Variants in PITPNM1 observed in about 807,000 individuals in gnomAD.
The protein encoded by PITPNM1 is phosphatidylinositol transfer protein membrane associated 1.
A neutral mutation model predicts 133.3 loss-of-function variants in PITPNM1; 74 were observed. That is an observed-to-expected ratio of 0.56 (90% CI 0.46 to 0.67). PITPNM1 has a LOEUF of 0.67. Ranked by LOEUF, PITPNM1 falls within the 30% of genes least tolerant of loss-of-function variation. The probability of loss-of-function intolerance (pLI) is 0.00; values close to 1 mark genes in which losing one functional copy is unlikely to be tolerated. For missense variants in PITPNM1, 1,398 were observed against 1,739.5 expected (o/e 0.80, Z 3.49); for synonymous variants, 738 against 741.4 (o/e 1.00, Z 0.08).
chr11:67,503,164 G>C (rs756084386), intron 2 of PITPNM1, among the ~76,000 whole-genome samples: 7 of 152,210 alleles, frequency 4.6e-5, no homozygotes, highest in Non-Finnish European at 1.0e-4. Flanking sequence ...GGGGGCTGCA[G>C]TTTTGATCTG....
At chr11:67,492,402 A>C in intron 23 of PITPNM1, 106 bp from the exon 24 acceptor site, 1 of 1,210,782 alleles carries the variant, frequency 8.3e-7, no homozygotes, top group Non-Finnish European at 1.1e-6. Flanking sequence ...GACTGGTGGC[A>C]GGCTTGGCAC....
In PITPNM1 at chr11:67,498,671, T is replaced by G; in HGVS notation, c.1409A>C (p.Glu470Ala). Reference protein sequence around the residue: ...FEAVTRIHFPEALGHVALRLV... With the variant: ...FEAVTRIHFPAALGHVALRLV... ...TCGCAGCGCCACGTGGCCCAAGGCC[T>G]CAGGGAAGTGGATGCGGGTGACGGC... The change falls in exon 10 of 24, where the codon GAG becomes GCG. Residue 470 changes from glutamate to alanine, a missense_variant. Around this residue, in one of 5 missense-constraint regions of PITPNM1, gnomAD observed 574 missense variants for 698.7 expected, o/e 0.82. Coordinates refer to ENST00000356404, the MANE Select transcript of PITPNM1 (RefSeq NM_004910.3). The surrounding 1 kb of genome is among the most constrained non-coding windows in gnomAD (Gnocchi z 5.7). 18 of 1,602,216 alleles carry G rather than the reference T, an allele frequency of 1.1e-5. No individual in the cohort carries two copies. Among genetic ancestry groups the G allele is most frequent in the Non-Finnish European group, 1.5e-5 (18 of 1,179,928 alleles).
chr11:67,494,050 C>A lies in PITPNM1; in HGVS notation c.2880G>T (p.Thr960=). The change falls in exon 20 of 24, where the codon ACG becomes ACT. Residue 960 remains threonine (T), a synonymous_variant. Transcript: ENST00000356404. ...TGEKVDVYIM[T]QPLSGKWIHF... is the part of the protein sequence containing the mutation. ...GGATCCACTTGCCCGACAGCGGCTG[C>A]GTCATGATGTAGACATCCACCTGGA... The A allele has an allele frequency of 6.2e-7, 1 of 1,607,092 alleles. No homozygotes were observed. The highest frequency in any genetic ancestry group is 1.1e-5 in the South Asian group (1 of 90,452).
Position 67,502,534 on chromosome 11 carries a change from G to A in PITPNM1, c.263C>T (p.Ser88Phe). The A allele has an allele frequency of 1.2e-6, 2 of 1,613,754 alleles. No homozygotes were observed. Among genetic ancestry groups the A allele is most frequent in the Admixed American group, 1.7e-5 (1 of 60,030 alleles). Reference sequence around the variant, plus strand: ...TCGGGTGTAGGGGTAGGCATTCCAGGATTCCTCTTCTACCTGCAGGGCAGC... The same window carrying A: ...TCGGGTGTAGGGGTAGGCATTCCAGAATTCCTCTTCTACCTGCAGGGCAGC... Reference protein sequence around the residue: ...PKAALQVEEESWNAYPYTRTR... With the variant: ...PKAALQVEEEFWNAYPYTRTR... Residue 88 changes from serine to phenylalanine, a missense_variant, in exon 3 of 24, where the codon TCC becomes TTC. Coordinates refer to ENST00000356404, the MANE Select transcript of PITPNM1 (RefSeq NM_004910.3). This position sits in a 1 kb window ranked among gnomAD's most constrained non-coding sequence, Gnocchi z 5.9.
Position 67,496,204 on chromosome 11 carries a change from AG to A in PITPNM1, c.2290del (p.Leu764TrpfsTer115). On this transcript the variant is annotated frameshift_variant, in exon 15 of 24. Transcript: ENST00000356404. LOFTEE classifies it high-confidence loss of function. Reference protein sequence around the residue: ...LTVPRYQKFPLGDGSSLLLAD... With the variant: ...LTVPRYQKFPXGDGSSLLLAD... ...CAGCAGCAGGGATGAGCCATCTCCC[AG>A]GGGGAACTTCTGGTAGCGGGGCACG... 2 of 1,544,262 alleles carry A rather than the reference AG, an allele frequency of 1.3e-6. No individual in the cohort carries two copies. Among genetic ancestry groups the A allele is most frequent in the South Asian group, 2.4e-5 (2 of 81,950 alleles).
intron 23 of PITPNM1, 142 bp from the exon 24 acceptor site, chr11:67,492,438 G>C: frequency 1.2e-6 from 1 of 833,698 alleles, no homozygotes; most frequent in South Asian, 2.0e-5. Flanking sequence ...CTTCTCAATA[G>C]ATAGGACCCC....
At chr11:67,500,802 A>G (rs1282522945) in intron 5 of PITPNM1, among the ~76,000 whole-genome samples, 2 of 152,254 alleles carry the variant, frequency 1.3e-5, no homozygotes, top group African/African-American at 4.8e-5. Flanking sequence ...TGAAGGTGTT[A>G]ACAGTTAATG....
At position 67,494,046 on chromosome 11, in the gene PITPNM1, G is replaced by C. The variant is rs1339776801; in HGVS notation, c.2884C>G (p.Pro962Ala). 6.2e-7 allele frequency: 1 copy of C among 1,608,842 alleles called. No individual in the cohort carries two copies. The highest frequency in any genetic ancestry group is 8.5e-7 in the Non-Finnish European group (1 of 1,177,746). ...AAGTGGATCCACTTGCCCGACAGCGGCTGCGTCATGATGTAGACATCCACC... is the reference window on the plus strand; with the variant it reads ...AAGTGGATCCACTTGCCCGACAGCGCCTGCGTCATGATGTAGACATCCACC... ...EKVDVYIMTQ[P>A]LSGKWIHFGT... Residue 962 changes from proline (P) to alanine (A), a missense_variant, in exon 20 of 24, where the codon CCG becomes GCG. By Grantham distance (27) the Pro-to-Ala change is conservative (BLOSUM62 -1). Around this residue, in one of 5 missense-constraint regions of PITPNM1, gnomAD observed 233 missense variants for 378.0 expected, o/e 0.62. Coordinates refer to ENST00000356404, the MANE Select transcript of PITPNM1 (RefSeq NM_004910.3).
At chr11:67,503,714 CA>C (rs1210215431) in intron 2 of PITPNM1, 1 of 185,810 alleles carries the variant, frequency 5.4e-6, no homozygotes, top group Non-Finnish European at 1.1e-5. Context: ...GTCCCTGCTC[CA>C]GGTTTGACAC....
chr11:67,501,743 T>A, intron 5 of PITPNM1, 119 bp downstream of exon 5: 2 of 892,506 alleles, frequency 2.2e-6, no homozygotes, highest in East Asian at 2.7e-5. Context: ...GCTCCCCACC[T>A]CAAATGGAAA....
At position 67,495,572 on chromosome 11, in the gene PITPNM1, A is replaced by G; in HGVS notation, c.2348T>C (p.Phe783Ser). ...CACCAGCATCTCCAGCTCCTCCAGA[A>G]AGAGGCTGGAGTGCGTCTGCAGAGT... ...ADTLQTHSSL[F>S]LEELEMLVPS... Residue 783 changes from phenylalanine (F) to serine (S), a missense_variant, in exon 16 of 24, where the codon TTT (phenylalanine) becomes TCT (serine). Coordinates refer to ENST00000356404, the MANE Select transcript of PITPNM1 (RefSeq NM_004910.3). The G allele has an allele frequency of 6.3e-7, 1 of 1,585,062 alleles. No homozygotes were observed. Among genetic ancestry groups the G allele is most frequent in the Non-Finnish European group, 8.5e-7 (1 of 1,169,600 alleles).
chr11:67,493,818 CG>C lies in PITPNM1; in HGVS notation c.3027del (p.Glu1010AsnfsTer4), dbSNP rs372045376. 8 of 1,548,952 alleles carry C rather than the reference CG, an allele frequency of 5.2e-6. No individual in the cohort carries two copies. Among genetic ancestry groups the C allele is most frequent in the Non-Finnish European group, 7.0e-6 (8 of 1,147,154 alleles). ...CGGGCCACCACAGTCAGGCAGCATTCGGCATAGGTGTGGTCGCCCCTGCGGC... is the reference window on the plus strand; with the variant it reads ...CGGGCCACCACAGTCAGGCAGCATTCGCATAGGTGTGGTCGCCCCTGCGGC... Reference protein sequence around the residue: ...RMVVRGDHTYAECCLTVVARG... With the variant: ...RMVVRGDHTYXECCLTVVARG... On this transcript the variant is annotated frameshift_variant, in exon 21 of 24. Coordinates refer to ENST00000356404, the MANE Select transcript of PITPNM1 (RefSeq NM_004910.3). LOFTEE classifies it high-confidence loss of function.
rs1310706368 is a variant in PITPNM1, at chr11:67,494,239, C to G, written c.2859+5G>C. The stretch of plus-strand genomic sequence containing the variant: ...GACCAGGCGACAGGGCCTCTGGGTC[C>G]TGACCTTCTCTCCAGTGAGCGTGAC... On this transcript the variant is annotated splice_donor_5th_base_variant and intron_variant, in intron 19 of 23. Transcript: ENST00000356404. 17 of 1,611,252 alleles carry G rather than the reference C, an allele frequency of 1.1e-5. No individual in the cohort carries two copies. The highest frequency in any genetic ancestry group is 1.4e-5 in the Non-Finnish European group (16 of 1,178,636).
Position 67,502,334 on chromosome 11 carries a change from C to A in PITPNM1, c.373G>T (p.Val125Phe). 4.3e-6 allele frequency: 7 copies of A among 1,613,688 alleles called. No homozygotes were observed. Among genetic ancestry groups the A allele is most frequent in the Non-Finnish European group, 5.9e-6 (7 of 1,180,022 alleles). The change falls in exon 4 of 24, where the codon GTC (valine) becomes TTC (phenylalanine). Residue 125 changes from valine (V) to phenylalanine (F), a missense_variant. By Grantham distance (50) the Val-to-Phe change is conservative. Around this residue, in one of 5 missense-constraint regions of PITPNM1, gnomAD observed 274 missense variants for 360.7 expected, o/e 0.76. Transcript: ENST00000356404. The surrounding 1 kb of genome is among the most constrained non-coding windows in gnomAD (Gnocchi z 5.9). ...YLPDGGQQPN[V>F]FNLSGAERRQ... is the part of the protein sequence containing the mutation. ...CTCTCGGCCCCGCTCAGGTTGAAGA[C>A]GTTTGGCTGCTGCCCCCCATCAGGC... is the stretch of plus-strand genomic sequence containing the variant.
Position 67,493,527 on chromosome 11 carries a change from G to T in PITPNM1, c.3225C>A (p.Arg1075=), listed in dbSNP as rs1050684915. Reference sequence around the variant, plus strand: ...TGTGCTGCGACAGCCATGCCACCACGCGGTGCTTCTGCATATCCGGCCGGC... The same window carrying T: ...TGTGCTGCGACAGCCATGCCACCACTCGGTGCTTCTGCATATCCGGCCGGC... ...VTGRPDMQKH[R]VVAWLSQHNF... Residue 1075 remains arginine, a synonymous_variant, in exon 22 of 24, where the codon CGC becomes CGA. Coordinates refer to ENST00000356404, the MANE Select transcript of PITPNM1 (RefSeq NM_004910.3). 2 of 1,586,958 alleles carry T rather than the reference G, an allele frequency of 1.3e-6. No individual in the cohort carries two copies. Among genetic ancestry groups the T allele is most frequent in the Non-Finnish European group, 1.7e-6 (2 of 1,166,972 alleles).
At position 67,504,135 on chromosome 11, in the gene PITPNM1, C is replaced by T; in HGVS notation, c.46G>A (p.Glu16Lys). 1 of 1,609,502 alleles carries T rather than the reference C, an allele frequency of 6.2e-7. No homozygotes were observed. Residue 16 changes from glutamate (E) to lysine (K), a missense_variant, in exon 2 of 24, where the codon GAG becomes AAG. Glu to Lys is a moderately conservative substitution (Grantham distance 56). Coordinates refer to ENST00000356404, the MANE Select transcript of PITPNM1 (RefSeq NM_004910.3). The surrounding 1 kb of genome is among the most constrained non-coding windows in gnomAD (Gnocchi z 5.4). ...YHILLPMSLD[E>K]YQVAQLYMIQ... ...ATGTAGAGCTGGGCCACCTGGTACT[C>T]GTCCAGGCTCATGGGCAGCAGAATG... is the stretch of plus-strand genomic sequence containing the variant.
At chr11:67,493,321 G>A (rs1865996807) in intron 22 of PITPNM1, 89 bp downstream of exon 22, 1 of 1,348,548 alleles carries the variant, frequency 7.4e-7, no homozygotes, top group Non-Finnish European at 1.0e-6. Flanking sequence ...ATCCAGTTGG[G>A]AACAGATGGG....
At position 67,495,181 on chromosome 11, in the gene PITPNM1, A is replaced by T; in HGVS notation, c.2527T>A (p.Tyr843Asn). The T allele has an allele frequency of 6.2e-7, 1 of 1,610,520 alleles. No individual in the cohort carries two copies. Among genetic ancestry groups the T allele is most frequent in the Non-Finnish European group, 8.5e-7 (1 of 1,178,970 alleles). Residue 843 changes from tyrosine (Y) to asparagine (N), a missense_variant, in exon 17 of 24, where the codon TAC becomes AAC. Transcript: ENST00000356404. Reference sequence around the variant, plus strand: ...AAGGCGGTGAGCGCCTCGGGGCAGTACAGCGAGTAGTCGATCCGCTTGGTC... The same window carrying T: ...AAGGCGGTGAGCGCCTCGGGGCAGTTCAGCGAGTAGTCGATCCGCTTGGTC... ...WGTKRIDYSLYCPEALTAFPT... is the reference protein window; with the variant it reads ...WGTKRIDYSLNCPEALTAFPT...
chr11:67,494,827 C>T lies in PITPNM1; in HGVS notation c.2742+19G>A, dbSNP rs372973111. The T allele has an allele frequency of 6.5e-7, 1 of 1,538,962 alleles. No individual in the cohort carries two copies. The highest frequency in any genetic ancestry group is 8.9e-7 in the Non-Finnish European group (1 of 1,121,112). On this transcript the variant is annotated intron_variant, in intron 18 of 23. Coordinates refer to ENST00000356404, the MANE Select transcript of PITPNM1 (RefSeq NM_004910.3). Reference sequence around the variant, plus strand: ...GAGAGTGGGCGAGTGGGCGAGGGGGCGAGGGGCAGGGCACCTACCCGGATC... The same window carrying T: ...GAGAGTGGGCGAGTGGGCGAGGGGGTGAGGGGCAGGGCACCTACCCGGATC...
Sources: allele counts gnomAD v4.1 joint callset (sites outside exome capture counted in the v4.1 genomes callset), GRCh38; gene constraint gnomAD v4.1.1; regional missense constraint gnomAD v4.1.1; non-coding constraint Gnocchi (gnomAD v3.1); transcripts MANE v1.5; gene names NCBI Gene and HGNC (gene_info 2026-07-23, HGNC 2026-07-21).